Variants in DAB1 observed in about 807,000 individuals in gnomAD.
DAB1 encodes the protein disabled homolog 1.
A neutral mutation model predicts 64.6 loss-of-function variants in DAB1; 15 were observed. The observed-to-expected ratio is 0.23, with a 90% CI of 0.16 to 0.36. DAB1 has a LOEUF of 0.36. DAB1 is among the 10% of genes least tolerant of loss of function. The probability of loss-of-function intolerance (pLI) is 1.00; values close to 1 mark genes in which losing one functional copy is unlikely to be tolerated. For missense variants in DAB1, 596 were observed against 706.7 expected (o/e 0.84, Z 1.78); for synonymous variants, 235 against 251.9 (o/e 0.93, Z 0.64).
Position 57,591,530 on chromosome 1 carries a change from C to T in DAB1, n.625+58062G>A, listed in dbSNP as rs374188459. Among the ~76,000 whole-genome samples, 9 of 152,254 alleles carry T rather than the reference C, an allele frequency of 5.9e-5. No homozygotes were observed. The South Asian group carries it at 1.2e-3, about 21-fold the overall frequency. Reference sequence around the variant, plus strand: ...GTCAGTGTATCCTAGAGCAATGGTACAGGGTTCTGAGGCAAATGGATCTCG... The same window carrying T: ...GTCAGTGTATCCTAGAGCAATGGTATAGGGTTCTGAGGCAAATGGATCTCG... On this transcript the variant is annotated intron_variant and non_coding_transcript_variant, in intron 7 of 20. Coordinates refer to the DAB1 transcript ENST00000485760.
At chr1:57,547,112 C>A (rs1644864542) in intron 7 of DAB1, among the ~76,000 whole-genome samples, 1 of 151,770 alleles carries the variant, frequency 6.6e-6, no homozygotes, top group African/African-American at 2.4e-5. Flanking sequence ...CGAAAGAAGG[C>A]AAGGGGGAGA....
chr1:57,953,244 A>C (rs1256304836), intron 5 of DAB1, among the ~76,000 whole-genome samples: 1 of 152,198 alleles, frequency 6.6e-6, no homozygotes, highest in Non-Finnish European at 1.5e-5. Context: ...CCTCGTGTCA[A>C]ATACTTCTGG....
At chr1:58,511,750 G>A (rs374081561) in intron 2 of DAB1, among the ~76,000 whole-genome samples, 5 of 152,092 alleles carry the variant, frequency 3.3e-5, no homozygotes, top group Admixed American at 6.6e-5. Context: ...CTTATCTTAC[G>A]CTACACACAA....
chr1:57,914,114 TA>T (rs1644689422), intron 5 of DAB1, among the ~76,000 whole-genome samples: 1 of 152,220 alleles, frequency 6.6e-6, no homozygotes, highest in Admixed American at 6.5e-5. Context: ...CAAAGGATTA[TA>T]AATCATGCTG....
chr1:58,040,413 C>G (rs528929690), intron 5 of DAB1, among the ~76,000 whole-genome samples: 7 of 152,152 alleles, frequency 4.6e-5, no homozygotes, highest in Non-Finnish European at 1.0e-4. Context: ...CAGCCCAACC[C>G]TGGTCTCATC....
At chr1:58,202,052 C>G (rs60060991) in intron 4 of DAB1, among the ~76,000 whole-genome samples, 29,041 of 152,092 alleles carry the variant, frequency 0.19, 2,972 homozygotes, top group East Asian at 0.38. Flanking sequence ...ATCCCACCCA[C>G]CTCACAAAAT....
chr1:57,161,700 A>C (rs1159162259), intron 2 of DAB1, among the ~76,000 whole-genome samples: 5 of 152,152 alleles, frequency 3.3e-5, no homozygotes, highest in African/African-American at 1.2e-4. Context: ...AAAGGGAAAC[A>C]TGTTCAAGAC....
At position 57,061,228 on chromosome 1, in the gene DAB1, T is replaced by TGCGG. The variant is rs796808475; in HGVS notation, c.723+1655_723+1656insCCGC. On this transcript the variant is annotated intron_variant, in intron 9 of 14. Coordinates refer to ENST00000371236, the MANE Select transcript of DAB1 (RefSeq NM_001365792.1). ...ATAGGTTTCAGAAGCCATATTTAGA[T>TGCGG]GGGGGGGGGGGGTGGTTTCAAGATC... Among the ~76,000 whole-genome samples, 36 of 114,812 alleles carry TGCGG rather than the reference T, an allele frequency of 3.1e-4. 2 individuals carry two copies. Among genetic ancestry groups the TGCGG allele is most frequent in the African/African-American group, 1.2e-3 (34 of 29,242 alleles). 75.3% of individuals were successfully genotyped at this position (114,812 alleles called of 152,430 possible).
At chr1:58,545,833 C>T (rs1275036368) in intron 1 of DAB1, among the ~76,000 whole-genome samples, 1 of 152,164 alleles carries the variant, frequency 6.6e-6, no homozygotes, top group African/African-American at 2.4e-5. Context: ...AATAATCATT[C>T]AAGCAAAGTA....
At chr1:57,572,349 C>T (rs1163188827) in intron 7 of DAB1, among the ~76,000 whole-genome samples, 1 of 152,172 alleles carries the variant, frequency 6.6e-6, no homozygotes, top group East Asian at 1.9e-4. Context: ...AATTATCACA[C>T]CTTCTTCCTA....
At chr1:57,978,512 A>T (rs1238548886) in intron 5 of DAB1, among the ~76,000 whole-genome samples, 1 of 152,188 alleles carries the variant, frequency 6.6e-6, no homozygotes, top group Non-Finnish European at 1.5e-5. Context: ...ACCGGAAAAG[A>T]CTTCATGTCT....
chr1:57,251,857 G>A (rs1490135410), intron 2 of DAB1, among the ~76,000 whole-genome samples: 2 of 152,180 alleles, frequency 1.3e-5, no homozygotes, highest in African/African-American at 4.8e-5. Context: ...GATTTGGAAT[G>A]GGCACATGGT....
chr1:58,159,040 G>C (rs756974096), intron 4 of DAB1, among the ~76,000 whole-genome samples: 2 of 152,102 alleles, frequency 1.3e-5, no homozygotes, highest in African/African-American at 4.8e-5. Context: ...ATCTGATTTC[G>C]TCTAATTCTG....
At chr1:57,043,184 A>G (rs1419785867) in intron 9 of DAB1, among the ~76,000 whole-genome samples, 2 of 152,184 alleles carry the variant, frequency 1.3e-5, no homozygotes, top group Non-Finnish European at 2.9e-5. Flanking sequence ...CCAATATCTG[A>G]TCAGGACCAT....
At chr1:57,088,294 C>T (rs912635682) in intron 4 of DAB1, among the ~76,000 whole-genome samples, 17 of 152,166 alleles carry the variant, frequency 1.1e-4, no homozygotes, top group Admixed American at 4.6e-4. Flanking sequence ...TGGTCTTGAA[C>T]TCCTGACCTC....
At chr1:57,850,624 G>T (rs1653479471) in intron 1 of DAB1, among the ~76,000 whole-genome samples, 1 of 152,138 alleles carries the variant, frequency 6.6e-6, no homozygotes, top group Admixed American at 6.5e-5. Context: ...GTGGCCTGTG[G>T]GCTCTGGAGG....
intron 3 of DAB1, among the ~76,000 whole-genome samples, chr1:58,350,392 T>G (rs1253339826): frequency 1.3e-5 from 2 of 152,208 alleles, no homozygotes; most frequent in African/African-American, 2.4e-5. Context: ...AAAAATTTTC[T>G]CCGGTTCTGT....
intron 5 of DAB1, among the ~76,000 whole-genome samples, chr1:57,959,131 C>A (rs1264685816): frequency 1.3e-5 from 2 of 152,184 alleles, no homozygotes; most frequent in African/African-American, 4.8e-5. Flanking sequence ...CACTCCAGAG[C>A]AGTCTTTGAT....
intron 8 of DAB1, among the ~76,000 whole-genome samples, chr1:57,063,240 T>TA (rs79790389): frequency 4.2e-4 from 61 of 145,258 alleles, no homozygotes; most frequent in Middle Eastern, 3.5e-3. Context: ...AGTCATGCGG[T>TA]AAAAAAAAAA....
Sources: allele counts gnomAD v4.1 joint callset (sites outside exome capture counted in the v4.1 genomes callset), GRCh38; gene constraint gnomAD v4.1.1; transcripts MANE v1.5; gene names NCBI Gene and HGNC (gene_info 2026-07-23, HGNC 2026-07-21).